FBXW7: variants seen among roughly 807,000 people sequenced by gnomAD.
FBXW7 encodes the protein F-box/WD repeat-containing protein 7.
A neutral mutation model predicts 86.3 loss-of-function variants in FBXW7; 11 were observed. The ratio of observed to expected loss-of-function variants is 0.13; its 90% confidence interval spans 0.08 to 0.21. The LOEUF (loss-of-function observed/expected upper bound fraction) is 0.21. Ranked by LOEUF, FBXW7 falls within the 10% of genes least tolerant of loss-of-function variation. FBXW7 has a pLI of 1.00. For missense variants in FBXW7, 488 were observed against 847.4 expected (o/e 0.58, Z 5.27); for synonymous variants, 313 against 297.9 (o/e 1.05, Z -0.52).
chr4:152,411,390 T>C lies in FBXW7; in HGVS notation c.414A>G (p.Thr138=), dbSNP rs1174731151. 3 of 1,613,706 alleles carry C rather than the reference T, an allele frequency of 1.9e-6. No homozygotes were observed. The highest frequency in any genetic ancestry group is 2.5e-6 in the Non-Finnish European group (3 of 1,179,858). The part of the protein sequence containing the change: ...SDDSSREDEH[T]HTNSVTNSSS... ...TGGAGTTCGTGACACTGTTAGTATG[T>C]GTATGTTCATCTTCTCTGCTACTAT... is the stretch of plus-strand genomic sequence containing the variant. Residue 138 remains threonine (T), a synonymous_variant, in exon 4 of 14, where the codon ACA becomes ACG. Coordinates refer to ENST00000281708, the MANE Select transcript of FBXW7 (RefSeq NM_001349798.2).
intron 4 of FBXW7, chr4:152,382,649 G>A: frequency 4.2e-6 from 1 of 235,664 alleles, no homozygotes; most frequent in Non-Finnish European, 7.6e-6. Context: ...ACCAAAGCAG[G>A]GCTGTGCTGT....
intron 8 of FBXW7, among the ~76,000 whole-genome samples, chr4:152,331,674 T>C (rs1345862962): frequency 6.6e-6 from 1 of 152,054 alleles, no homozygotes; most frequent in Non-Finnish European, 1.5e-5. Context: ...TGCAAAACAA[T>C]GTGAATGTAC....
At chr4:152,404,663 A>C (rs149494753) in intron 4 of FBXW7, among the ~76,000 whole-genome samples, 2 of 152,184 alleles carry the variant, frequency 1.3e-5, no homozygotes, top group African/African-American at 2.4e-5. Context: ...AATGATTCCT[A>C]AAGTGGGATT....
intron 2 of FBXW7, among the ~76,000 whole-genome samples, chr4:152,467,715 C>T (rs533270971): frequency 1.1e-3 from 164 of 152,078 alleles, no homozygotes; most frequent in Admixed American, 2.6e-3. Context: ...AGTCCTATGA[C>T]GATTAAAACT....
At chr4:152,463,357 A>C (rs1457407577) in intron 2 of FBXW7, among the ~76,000 whole-genome samples, 1 of 152,176 alleles carries the variant, frequency 6.6e-6, no homozygotes, top group Non-Finnish European at 1.5e-5. Context: ...TTGTAAGTTT[A>C]AACTCCACCA....
At chr4:152,478,752 A>G (rs1744632168) in intron 2 of FBXW7, among the ~76,000 whole-genome samples, 1 of 152,042 alleles carries the variant, frequency 6.6e-6, no homozygotes, top group African/African-American at 2.4e-5. Context: ...GTCTTTGCTA[A>G]TAGCCAAATT....
chr4:152,477,131 A>G (rs564128317), intron 2 of FBXW7, among the ~76,000 whole-genome samples: 35 of 152,030 alleles, frequency 2.3e-4, no homozygotes, highest in Middle Eastern at 3.4e-3. Flanking sequence ...TTCAACTCCA[A>G]CTCAGGAGTC....
chr4:152,436,350 A>C (rs1404602117), intron 2 of FBXW7, among the ~76,000 whole-genome samples: 1 of 152,252 alleles, frequency 6.6e-6, no homozygotes, highest in Non-Finnish European at 1.5e-5. Context: ...AATTCTATGA[A>C]GGCTGAGAGA....
At chr4:152,391,431 T>C (rs1735986658) in intron 4 of FBXW7, among the ~76,000 whole-genome samples, 1 of 152,092 alleles carries the variant, frequency 6.6e-6, no homozygotes, top group Non-Finnish European at 1.5e-5. Context: ...AAACACTAAC[T>C]GGCTATCAAG....
intron 2 of FBXW7, among the ~76,000 whole-genome samples, chr4:152,437,869 T>C (rs1421644592): frequency 6.6e-6 from 1 of 152,172 alleles, no homozygotes; most frequent in Non-Finnish European, 1.5e-5. Context: ...ATTGTTAGCA[T>C]TTTTTAGCAA....
intron 2 of FBXW7, among the ~76,000 whole-genome samples, chr4:152,470,808 C>T (rs1424739697): frequency 1.3e-5 from 2 of 152,052 alleles, no homozygotes; most frequent in Non-Finnish European, 2.9e-5. Flanking sequence ...TCACCTCATG[C>T]CTCACGGAGA....
intron 4 of FBXW7, among the ~76,000 whole-genome samples, chr4:152,376,198 T>C (rs1734501380): frequency 6.6e-6 from 1 of 152,066 alleles, no homozygotes; most frequent in Non-Finnish European, 1.5e-5. Flanking sequence ...GTAAAAGATA[T>C]TAAATATTGG....
At chr4:152,352,671 C>A in intron 4 of FBXW7, 1 of 1,613,810 alleles carries the variant, frequency 6.2e-7, no homozygotes, top group Non-Finnish European at 8.5e-7. Context: ...GAACCGGCAA[C>A]AAAACTCCAC....
intron 2 of FBXW7, among the ~76,000 whole-genome samples, chr4:152,419,498 C>A (rs189700111): frequency 2.2e-4 from 31 of 143,092 alleles, no homozygotes; most frequent in Non-Finnish European, 3.7e-4. Flanking sequence ...AAGGTAAACA[C>A]ACACACACAC....
intron 12 of FBXW7, 114 bp from the exon 13 acceptor site, chr4:152,324,508 C>T (rs986869540): frequency 1.3e-6 from 1 of 785,054 alleles, no homozygotes; most frequent in East Asian, 2.7e-5. Context: ...ATGCCAGGAA[C>T]AAAATGAGGT....
chr4:152,531,510 C>T (rs1344571180), intron 2 of FBXW7, among the ~76,000 whole-genome samples: 8 of 151,048 alleles, frequency 5.3e-5, no homozygotes, highest in Admixed American at 4.0e-4. Context: ...AAATGCAAGC[C>T]GCAAAAATGT....
chr4:152,337,682 T>C, intron 7 of FBXW7, 120 bp downstream of exon 7: 2 of 1,021,674 alleles, frequency 2.0e-6, no homozygotes, highest in South Asian at 3.5e-5. Flanking sequence ...TACCACTAAT[T>C]AAGAGTGTCA....
At chr4:152,326,274 C>A (rs760308394) in intron 11 of FBXW7, 43 bp from the exon 12 acceptor site, 83 of 1,507,540 alleles carry the variant, frequency 5.5e-5, no homozygotes, top group Non-Finnish European at 7.0e-5. Flanking sequence ...ACAAAAAAAC[C>A]CACGTTTAGA....
At chr4:152,421,951 G>C (rs1175680284) in intron 2 of FBXW7, among the ~76,000 whole-genome samples, 1 of 151,946 alleles carries the variant, frequency 6.6e-6, no homozygotes, top group Non-Finnish European at 1.5e-5. Flanking sequence ...ACCATAATAG[G>C]TATAATAATA....
Sources: allele counts gnomAD v4.1 joint callset (sites outside exome capture counted in the v4.1 genomes callset), GRCh38; gene constraint gnomAD v4.1.1; transcripts MANE v1.5; gene names NCBI Gene and HGNC (gene_info 2026-07-23, HGNC 2026-07-21).